Variants in STT3B observed in about 807,000 individuals in gnomAD.
STT3B encodes the protein dolichyl-diphosphooligosaccharide--protein glycosyltransferase subunit STT3B.
In STT3B, 29 loss-of-function variants were observed where a neutral mutation model predicts 96.8. That is an observed-to-expected ratio of 0.30 (90% CI 0.22 to 0.41). The LOEUF is 0.41. Ranked by LOEUF, STT3B falls within the 10% of genes least tolerant of loss-of-function variation. The pLI is 1.00. For missense variants in STT3B, 640 were observed against 1,022.3 expected (o/e 0.63, Z 5.10); for synonymous variants, 367 against 360.0 (o/e 1.02, Z -0.22).
At chr3:31,616,849 A>G in intron 6 of STT3B, 80 bp from the exon 7 acceptor site, 3 of 1,273,594 alleles carry the variant, frequency 2.4e-6, no homozygotes, top group Non-Finnish European at 2.2e-6. Flanking sequence ...AGGACATTCT[A>G]AGAAGCTCTT....
chr3:31,536,382 C>T (rs1374701129), intron 1 of STT3B, among the ~76,000 whole-genome samples: 1 of 152,186 alleles, frequency 6.6e-6, no homozygotes, highest in Non-Finnish European at 1.5e-5. Context: ...AAATGTTACT[C>T]TCAGGCTGTG....
rs1367655467 is a variant in STT3B at position 31,615,204 on chromosome 3, G to T, written c.976+1G>T. 1 of 1,598,714 alleles carries T rather than the reference G, an allele frequency of 6.3e-7. No homozygotes were observed. Among genetic ancestry groups the T allele is most frequent in the Non-Finnish European group, 8.6e-7 (1 of 1,169,090 alleles). On this transcript the variant is annotated splice_donor_variant, in intron 6 of 15. Coordinates refer to ENST00000295770, the MANE Select transcript of STT3B (RefSeq NM_178862.3). LOFTEE classifies it high-confidence loss of function. The stretch of plus-strand genomic sequence containing the variant: ...ACAAGTGAACACATGGCAGCTGCAG[G>T]TATGAAAAATATATATTTTCCTTCT...
intron 3 of STT3B, among the ~76,000 whole-genome samples, chr3:31,586,002 T>C (rs1698526793): frequency 6.6e-6 from 1 of 152,104 alleles, no homozygotes; most frequent in Non-Finnish European, 1.5e-5. Context: ...GTGATAAGTA[T>C]AGGTTTAACT....
At chr3:31,546,037 A>G (rs1266465475) in intron 1 of STT3B, among the ~76,000 whole-genome samples, 1 of 152,188 alleles carries the variant, frequency 6.6e-6, no homozygotes, top group African/African-American at 2.4e-5. Flanking sequence ...TAGTTGACAG[A>G]CATTTGAATA....
intron 1 of STT3B, among the ~76,000 whole-genome samples, chr3:31,560,469 T>G (rs1372975990): frequency 1.3e-5 from 2 of 152,140 alleles, no homozygotes; most frequent in Non-Finnish European, 2.9e-5. Flanking sequence ...TCCTTAGCTT[T>G]TGCTTGTCTG....
chr3:31,543,665 C>G (rs546521152), intron 1 of STT3B, among the ~76,000 whole-genome samples: 1 of 152,116 alleles, frequency 6.6e-6, no homozygotes. Context: ...TCATATTATT[C>G]TTTATAGAAG....
rs1299257354 is a variant in STT3B, at chr3:31,532,948, C to T, written c.-51C>T. 1.7e-5 allele frequency: 26 copies of T among 1,546,610 alleles called. No homozygotes were observed. The highest frequency in any genetic ancestry group is 2.3e-5 in the Non-Finnish European group (26 of 1,149,746). On this transcript the variant is annotated 5_prime_UTR_variant, in exon 1 of 16. Transcript: ENST00000295770. ...GGGTCCCCGCCCAGCACCCCTCGCA[C>T]CAGGCGGCGGCGGCGGAGGAGGAGA...
chr3:31,572,046 AAT>A (rs1172824801), intron 1 of STT3B, among the ~76,000 whole-genome samples: 4 of 137,896 alleles, frequency 2.9e-5, no homozygotes, highest in African/African-American at 1.1e-4. Flanking sequence ...ATGATATATT[AAT>A]ATATCATATA....
rs1368497038 is a variant in STT3B, at chr3:31,633,099, A to G, written c.2352A>G (p.Lys784=). The change falls in exon 15 of 16, where the codon AAA becomes AAG. Residue 784 remains lysine, a synonymous_variant. Transcript: ENST00000295770. ...APDNRETLDH[K]PRVTNIFPKQ... is the part of the protein sequence containing the mutation. ...ATAACAGGGAGACATTAGATCACAA[A>G]CCTCGAGTCACCAACATTTTCCCAA... 2 of 1,614,024 alleles carry G rather than the reference A, an allele frequency of 1.2e-6. No individual in the cohort carries two copies. Among genetic ancestry groups the G allele is most frequent in the South Asian group, 2.2e-5 (2 of 91,076 alleles).
At chr3:31,592,319 C>T (rs1480871485) in intron 3 of STT3B, among the ~76,000 whole-genome samples, 3 of 152,006 alleles carry the variant, frequency 2.0e-5, no homozygotes, top group South Asian at 4.1e-4. Context: ...AATAATATTC[C>T]GTTGTATGTA....
intron 1 of STT3B, among the ~76,000 whole-genome samples, chr3:31,570,662 T>C (rs753305630): frequency 3.5e-4 from 53 of 152,160 alleles, no homozygotes; most frequent in Non-Finnish European, 1.2e-4. Flanking sequence ...TACCTTTTTT[T>C]AAAAAGTGAT....
intron 3 of STT3B, among the ~76,000 whole-genome samples, chr3:31,586,178 G>A (rs921653533): frequency 4.6e-5 from 7 of 151,898 alleles, no homozygotes; most frequent in Non-Finnish European, 8.8e-5. Flanking sequence ...TATGGCTTTC[G>A]TTTGCTTTTC....
chr3:31,572,788 GA>G (rs1166454531), intron 1 of STT3B, among the ~76,000 whole-genome samples: 1 of 152,178 alleles, frequency 6.6e-6, no homozygotes, highest in Non-Finnish European at 1.5e-5. Flanking sequence ...TTGAGACTTG[GA>G]GGCTGAAGCT....
At chr3:31,553,790 A>G (rs1697628822) in intron 1 of STT3B, among the ~76,000 whole-genome samples, 1 of 152,052 alleles carries the variant, frequency 6.6e-6, no homozygotes, top group African/African-American at 2.4e-5. Context: ...TCTCTGCTTA[A>G]TTATATTTTC....
chr3:31,568,207 G>A (rs373437121), intron 1 of STT3B, among the ~76,000 whole-genome samples: 1 of 151,880 alleles, frequency 6.6e-6, no homozygotes, highest in Non-Finnish European at 1.5e-5. Context: ...TTTCTTTATG[G>A]CTAAATAGTA....
In STT3B at chr3:31,635,240, A is replaced by T. The variant is rs536115747; in HGVS notation, c.2401-744A>T. 1.3e-3 allele frequency among the ~76,000 whole-genome samples: 199 copies of T among 152,284 alleles called. 1 individual carries two copies. The highest frequency in any genetic ancestry group is 4.1e-3 in the African/African-American group (169 of 41,556). ...TCTTCAATATCTAGGGCTGTGTGTC[A>T]GATTGAAAGACATATGTGCCTATAA... On this transcript the variant is annotated intron_variant, in intron 15 of 15. Transcript: ENST00000295770.
intron 1 of STT3B, among the ~76,000 whole-genome samples, chr3:31,553,232 A>G (rs570466732): frequency 9.2e-5 from 14 of 152,296 alleles, no homozygotes; most frequent in African/African-American, 3.4e-4. Flanking sequence ...TGTCTACTAT[A>G]TAACTTTGGA....
chr3:31,555,563 A>G (rs183900969), intron 1 of STT3B, among the ~76,000 whole-genome samples: 2 of 152,102 alleles, frequency 1.3e-5, no homozygotes, highest in Non-Finnish European at 2.9e-5. Context: ...ACTAAGTCAC[A>G]TTACACATTT....
chr3:31,575,763 C>T (rs1698250213), intron 1 of STT3B, among the ~76,000 whole-genome samples: 1 of 152,004 alleles, frequency 6.6e-6, no homozygotes, highest in Non-Finnish European at 1.5e-5. Context: ...AATGGCATTA[C>T]CCTGAGGATT....
Sources: allele counts gnomAD v4.1 joint callset (sites outside exome capture counted in the v4.1 genomes callset), GRCh38; gene constraint gnomAD v4.1.1; transcripts MANE v1.5; gene names NCBI Gene and HGNC (gene_info 2026-07-23, HGNC 2026-07-21).